CSMD3: variants seen among roughly 807,000 people sequenced by gnomAD.
CSMD3 encodes CUB and sushi domain-containing protein 3.
Under a neutral mutation model 435.2 loss-of-function variants are expected in CSMD3, and 177 were observed. That is an observed-to-expected ratio of 0.41 (90% CI 0.36 to 0.46). CSMD3 has a LOEUF of 0.46. Among genes scored for constraint, CSMD3 ranks in the 20% least tolerant of loss-of-function variants. The probability of loss-of-function intolerance (pLI) is 0.34; values close to 1 mark genes in which losing one functional copy is unlikely to be tolerated. For missense variants in CSMD3, 4,265 were observed against 4,504.6 expected (o/e 0.95, Z 1.52); for synonymous variants, 1,656 against 1,520.5 (o/e 1.09, Z -2.07).
At chr8:112,914,240 T>G (rs1347750457) in intron 10 of CSMD3, among the ~76,000 whole-genome samples, 1 of 151,980 alleles carries the variant, frequency 6.6e-6, no homozygotes, top group Non-Finnish European at 1.5e-5. Context: ...AAATATTGAC[T>G]GTGCAACCAT....
chr8:112,234,315 A>G, intron 68 of CSMD3, 50 bp downstream of exon 68: 1 of 1,225,514 alleles, frequency 8.2e-7, no homozygotes, highest in Non-Finnish European at 1.2e-6. Context: ...TGGACAAGCT[A>G]CAAATTTATC....
intron 11 of CSMD3, among the ~76,000 whole-genome samples, chr8:112,854,350 C>G (rs1430100621): frequency 1.3e-5 from 2 of 152,068 alleles, no homozygotes; most frequent in African/African-American, 4.8e-5. Flanking sequence ...AATTACTTAT[C>G]TTTTGTGATT....
chr8:112,518,485 A>T, intron 27 of CSMD3, among the ~76,000 whole-genome samples: 1 of 152,080 alleles, frequency 6.6e-6, no homozygotes, highest in East Asian at 1.9e-4. Flanking sequence ...TAAATTTATA[A>T]GTGAATTTGT....
At chr8:113,295,508 T>C (rs1226979557) in intron 2 of CSMD3, among the ~76,000 whole-genome samples, 1 of 152,146 alleles carries the variant, frequency 6.6e-6, no homozygotes, top group Non-Finnish European at 1.5e-5. Context: ...TATCTAAAGG[T>C]AGAGCAGAAA....
chr8:112,391,944 C>G (rs967321584), intron 35 of CSMD3, among the ~76,000 whole-genome samples: 3 of 152,122 alleles, frequency 2.0e-5, no homozygotes, highest in Non-Finnish European at 2.9e-5. Context: ...CATGACCTAA[C>G]TCATAACTCT....
In CSMD3 at chr8:112,859,193, G is replaced by C. The variant is rs2129858361; in HGVS notation, c.1707C>G (p.Asp569Glu). Residue 569 changes from aspartate to glutamate, a missense_variant, in exon 11 of 71, where the codon GAC (aspartate) becomes GAG (glutamate). Physicochemically the swap from Asp to Glu is conservative, Grantham distance 45 (BLOSUM62 2). Transcript: ENST00000297405. ...TGACCCAGACACATTGTGCATTGCTGTCATACTGGAACGGAAAGTTGGGAG... is the reference window on the plus strand; with the variant it reads ...TGACCCAGACACATTGTGCATTGCTCTCATACTGGAACGGAAAGTTGGGAG... ...FTSPNFPFQY[D>E]SNAQCVWVIT... 1 of 1,610,738 alleles carries C rather than the reference G, an allele frequency of 6.2e-7. No homozygotes were observed. The highest frequency in any genetic ancestry group is 8.5e-7 in the Non-Finnish European group (1 of 1,177,390).
In CSMD3 at chr8:113,358,073, T is replaced by C. The variant is rs568244615; in HGVS notation, c.179-43280A>G. On this transcript the variant is annotated intron_variant, in intron 1 of 70. Transcript: ENST00000297405. ...GTATTCCACATAAAAACATCACAAA[T>C]CTAGTTAATGTCAATGGATGGATAT... Among the ~76,000 whole-genome samples, 5 of 152,258 alleles carry C rather than the reference T, an allele frequency of 3.3e-5. No homozygotes were observed. The East Asian group carries it at 7.7e-4, about 24-fold the overall frequency.
intron 60 of CSMD3, among the ~76,000 whole-genome samples, chr8:112,265,167 AT>A (rs1271267609): frequency 2.6e-5 from 4 of 151,954 alleles, no homozygotes; most frequent in Non-Finnish European, 5.9e-5. Flanking sequence ...TATTTTACTT[AT>A]TTTTGTTACA....
chr8:113,287,269 G>A (rs1264243997), intron 2 of CSMD3, among the ~76,000 whole-genome samples: 3 of 151,926 alleles, frequency 2.0e-5, no homozygotes, highest in Non-Finnish European at 4.4e-5. Context: ...TGGTTCAACA[G>A]TCCTTAAAAA....
chr8:112,228,718 T>A (rs867267776), intron 70 of CSMD3, 38 bp downstream of exon 70: 1 of 1,579,456 alleles, frequency 6.3e-7, no homozygotes, highest in Non-Finnish European at 8.7e-7. Context: ...AAAAACAGAT[T>A]TGGGAAACAT....
At chr8:112,815,107 A>G (rs2079336853) in intron 12 of CSMD3, among the ~76,000 whole-genome samples, 1 of 152,050 alleles carries the variant, frequency 6.6e-6, no homozygotes, top group South Asian at 2.1e-4. Context: ...AAAAAAAAAG[A>G]AAAAACCCTA....
At chr8:113,406,483 C>T (rs1448270210) in intron 1 of CSMD3, among the ~76,000 whole-genome samples, 1 of 151,888 alleles carries the variant, frequency 6.6e-6, no homozygotes, top group Non-Finnish European at 1.5e-5. Context: ...CAATAGGTTA[C>T]TAAGAACAAA....
intron 13 of CSMD3, among the ~76,000 whole-genome samples, chr8:112,749,143 TAAG>T (rs2077509379): frequency 6.6e-6 from 1 of 152,210 alleles, no homozygotes; most frequent in African/African-American, 2.4e-5. Context: ...TGTCTTCTTT[TAAG>T]AAGTGTCTGT....
At chr8:113,104,990 A>T (rs549630081) in intron 4 of CSMD3, among the ~76,000 whole-genome samples, 2 of 152,256 alleles carry the variant, frequency 1.3e-5, no homozygotes, top group Admixed American at 6.5e-5. Flanking sequence ...GAAGAAAGTA[A>T]TTAATAAGTA....
At chr8:112,881,450 G>A (rs1341414083) in intron 10 of CSMD3, among the ~76,000 whole-genome samples, 1 of 151,974 alleles carries the variant, frequency 6.6e-6, no homozygotes, top group Non-Finnish European at 1.5e-5. Context: ...CAACCAAAGT[G>A]TTAACATTTT....
At chr8:112,815,638 A>C (rs973141436) in intron 12 of CSMD3, among the ~76,000 whole-genome samples, 1 of 152,176 alleles carries the variant, frequency 6.6e-6, no homozygotes, top group African/African-American at 2.4e-5. Context: ...TGAGAACAAA[A>C]GGAAAAACAA....
At chr8:112,802,690 G>A (rs2078987400) in intron 12 of CSMD3, among the ~76,000 whole-genome samples, 1 of 151,644 alleles carries the variant, frequency 6.6e-6, no homozygotes, top group Non-Finnish European at 1.5e-5. Flanking sequence ...AGAGGATTGG[G>A]ATATGAACGG....
intron 4 of CSMD3, 147 bp from the exon 5 acceptor site, chr8:113,099,110 A>C (rs1462097559): frequency 1.5e-6 from 1 of 648,356 alleles, no homozygotes; most frequent in Non-Finnish European, 2.8e-6. Flanking sequence ...AGATTAAATA[A>C]AATGAGAATT....
At chr8:112,608,374 G>A (rs925527325) in intron 22 of CSMD3, among the ~76,000 whole-genome samples, 33 of 152,024 alleles carry the variant, frequency 2.2e-4, no homozygotes, top group African/African-American at 8.0e-4. Context: ...ACGTTCCAAA[G>A]CAGTATACAG....
Sources: gnomAD v4.1 joint callset for allele counts (sites outside exome capture counted in the v4.1 genomes callset) on GRCh38, gnomAD v4.1.1 for gene constraint, MANE v1.5 for transcripts, NCBI Gene and HGNC (gene_info 2026-07-23, HGNC 2026-07-21) for gene names.